The following CYP39A1 variants were observed in gnomAD, a reference collection of about 807,000 sequenced individuals.
CYP39A1 encodes cytochrome P450 family 39 subfamily A member 1, also known as 24-hydroxycholesterol 7-alpha-hydroxylase.
In CYP39A1, 49 loss-of-function variants were observed where a neutral mutation model predicts 58.1. The observed-to-expected ratio is 0.84, with a 90% CI of 0.67 to 1.07. The LOEUF (loss-of-function observed/expected upper bound fraction) is 1.07. Ranked by LOEUF, CYP39A1 falls within the 50% of genes least tolerant of loss-of-function variation. The pLI is 0.00. For synonymous variants in CYP39A1, 209 were observed against 187.6 expected (o/e 1.11, Z -0.93); for missense variants, 531 against 539.4 (o/e 0.98, Z 0.16).
intron 7 of CYP39A1, among the ~76,000 whole-genome samples, chr6:46,619,811 A>G (rs1774845450): frequency 6.6e-6 from 1 of 152,184 alleles, no homozygotes; most frequent in South Asian, 2.1e-4. Context: ...TCATCTTCAT[A>G]GCTCTGGTAC....
intron 10 of CYP39A1, chr6:46,586,534 A>G (rs961665488): frequency 2.0e-6 from 2 of 985,354 alleles, no homozygotes; most frequent in African/African-American, 1.7e-5. Context: ...TCATTAAACA[A>G]TGGACACTTG....
rs77158821 is a variant in CYP39A1, at chr6:46,649,131, G to A, written c.177+3275C>T. ...ATCTCAAGGCTCAACTCAGGTAGTC[G>A]TATTCACTACCCAGCTGACACGGTT... is the stretch of plus-strand genomic sequence containing the variant. On this transcript the variant is annotated intron_variant, in intron 1 of 11. Coordinates refer to ENST00000275016, the MANE Select transcript of CYP39A1 (RefSeq NM_016593.5). Among the ~76,000 whole-genome samples, 887 of 152,306 alleles carry A rather than the reference G, an allele frequency of 5.8e-3. 9 individuals carry two copies. The highest frequency in any genetic ancestry group is 0.02 in the African/African-American group (847 of 41,570).
chr6:46,634,977 CA>C (rs1035608436), intron 5 of CYP39A1, among the ~76,000 whole-genome samples: 9 of 152,182 alleles, frequency 5.9e-5, no homozygotes, highest in African/African-American at 2.2e-4. Context: ...GTTGTTTACA[CA>C]ACAAAAATAT....
Position 46,572,108 on chromosome 6 carries a change from T to A in CYP39A1, c.1250+14969A>T, listed in dbSNP as rs115194370. 9.2e-4 allele frequency among the ~76,000 whole-genome samples: 140 copies of A among 152,274 alleles called. 1 individual carries two copies. Among genetic ancestry groups the A allele is most frequent in the Middle Eastern group, 3.4e-3 (1 of 294 alleles). ...TTTGATGTCACAATTTACTGCTTTT[T>A]ATATTATCTATCTCTTAACAAAATA... On this transcript the variant is annotated intron_variant, in intron 10 of 11. Coordinates refer to ENST00000275016, the MANE Select transcript of CYP39A1 (RefSeq NM_016593.5).
chr6:46,627,960 A>G (rs1179805990), intron 6 of CYP39A1, among the ~76,000 whole-genome samples: 1 of 152,202 alleles, frequency 6.6e-6, no homozygotes, highest in Non-Finnish European at 1.5e-5. Context: ...GTCCAAGGTC[A>G]GAGATGGGCA....
rs192024998 is a variant in CYP39A1 at position 46,577,693 on chromosome 6, C to A, written c.1250+9384G>T. Among the ~76,000 whole-genome samples the A allele has an allele frequency of 2.2e-3, 331 of 152,138 alleles. 3 individuals are homozygous for A. The highest frequency in any genetic ancestry group is 4.3e-4 in the Non-Finnish European group (29 of 67,944). ...CAAAAAGGACAAAGAAGGGTGTTAC[C>A]TAATGATAAAGGGTTAAATTCAACA... On this transcript the variant is annotated intron_variant, in intron 10 of 11. Coordinates refer to ENST00000275016, the MANE Select transcript of CYP39A1 (RefSeq NM_016593.5).
chr6:46,553,702 G>T (rs1770526879), intron 11 of CYP39A1, 65 bp downstream of exon 11: 1 of 1,051,932 alleles, frequency 9.5e-7, no homozygotes, highest in Admixed American at 1.8e-5. Flanking sequence ...AAAATTGGGG[G>T]AAGTGGGGGT....
intron 11 of CYP39A1, among the ~76,000 whole-genome samples, chr6:46,553,069 C>T (rs1360509033): frequency 7.6e-6 from 1 of 131,376 alleles, no homozygotes; most frequent in Non-Finnish European, 1.6e-5. Context: ...AACAACCCCC[C>T]AACCAAAAAA....
chr6:46,639,801 A>T, intron 2 of CYP39A1, 133 bp from the exon 3 acceptor site: 1 of 675,094 alleles, frequency 1.5e-6, no homozygotes, highest in Non-Finnish European at 2.5e-6. Flanking sequence ...ACCTCCCATA[A>T]ATAAAAGTAG....
At chr6:46,624,773 A>G (rs1775200203) in intron 7 of CYP39A1, among the ~76,000 whole-genome samples, 1 of 152,190 alleles carries the variant, frequency 6.6e-6, no homozygotes. Flanking sequence ...ATTATGCTGA[A>G]TAAACAAGTA....
chr6:46,627,353 T>C (rs182223927), intron 6 of CYP39A1, among the ~76,000 whole-genome samples: 7 of 152,322 alleles, frequency 4.6e-5, no homozygotes, highest in African/African-American at 1.7e-4. Flanking sequence ...TAAAATTGGA[T>C]ACTACTTTTT....
At chr6:46,572,103 C>T (rs746552110) in intron 10 of CYP39A1, among the ~76,000 whole-genome samples, 4 of 152,016 alleles carry the variant, frequency 2.6e-5, no homozygotes, top group Non-Finnish European at 4.4e-5. Flanking sequence ...CAATTTACTG[C>T]TTTTTATATT....
intron 7 of CYP39A1, among the ~76,000 whole-genome samples, chr6:46,608,453 T>A (rs1773981849): frequency 6.6e-6 from 1 of 152,036 alleles, no homozygotes; most frequent in Non-Finnish European, 1.5e-5. Flanking sequence ...CTTACATCCT[T>A]CCCTTCATTT....
chr6:46,551,824 C>T (rs749105590), intron 11 of CYP39A1, among the ~76,000 whole-genome samples: 13 of 152,084 alleles, frequency 8.5e-5, no homozygotes, highest in Non-Finnish European at 1.8e-4. Context: ...CCTGTACTTT[C>T]TGGTCACCTG....
chr6:46,629,714 G>T (rs1258014963), intron 6 of CYP39A1, among the ~76,000 whole-genome samples: 1 of 152,126 alleles, frequency 6.6e-6, no homozygotes, highest in African/African-American at 2.4e-5. Context: ...TCTGTTAGAA[G>T]AAAAAGGAAG....
At chr6:46,642,428 G>T in intron 1 of CYP39A1, 130 bp from the exon 2 acceptor site, 2 of 874,250 alleles carry the variant, frequency 2.3e-6, no homozygotes, top group African/African-American at 1.7e-5. Flanking sequence ...TTGGCAATTA[G>T]TTATAAATTT....
At chr6:46,642,849 T>C (rs1776429760) in intron 1 of CYP39A1, among the ~76,000 whole-genome samples, 1 of 152,208 alleles carries the variant, frequency 6.6e-6, no homozygotes, top group Non-Finnish European at 1.5e-5. Flanking sequence ...TGTAACTCAC[T>C]AGAAAAATGG....
At chr6:46,580,504 T>G (rs1292524751) in intron 10 of CYP39A1, among the ~76,000 whole-genome samples, 2 of 152,054 alleles carry the variant, frequency 1.3e-5, no homozygotes, top group Non-Finnish European at 2.9e-5. Flanking sequence ...AATAGACAGG[T>G]GGGACCTAAT....
chr6:46,621,583 C>A (rs1256142666), intron 7 of CYP39A1, among the ~76,000 whole-genome samples: 1 of 151,782 alleles, frequency 6.6e-6, no homozygotes, highest in Non-Finnish European at 1.5e-5. Context: ...GGACATAGTC[C>A]TAAAAAGACA....
Sources: gnomAD v4.1 joint callset for allele counts (sites outside exome capture counted in the v4.1 genomes callset) on GRCh38, gnomAD v4.1.1 for gene constraint, MANE v1.5 for transcripts, NCBI Gene and HGNC (gene_info 2026-07-23, HGNC 2026-07-21) for gene names.